The following LRRC3B variants were observed in gnomAD, a reference collection of about 807,000 sequenced individuals.
The protein encoded by LRRC3B is leucine-rich repeat-containing protein 3B.
LRRC3B carries 2 observed loss-of-function variants against 12.8 expected under a neutral mutation model. That is an observed-to-expected ratio of 0.16 (90% CI 0.06 to 0.49). LRRC3B has a LOEUF of 0.49. LRRC3B is among the 20% of genes least tolerant of loss of function. The pLI, the probability that LRRC3B is intolerant of heterozygous loss-of-function variation, is 0.96. For synonymous variants in LRRC3B, 132 were observed against 122.0 expected (o/e 1.08, Z -0.54); for missense variants, 189 against 319.4 (o/e 0.59, Z 3.11).
intron 1 of LRRC3B, among the ~76,000 whole-genome samples, chr3:26,655,067 ATCTG>A (rs556337920): frequency 1.3e-4 from 20 of 152,146 alleles, no homozygotes; most frequent in Non-Finnish European, 2.4e-4. Flanking sequence ...TCATCTGTCT[ATCTG>A]TCTGTCTGTC....
intron 1 of LRRC3B, among the ~76,000 whole-genome samples, chr3:26,652,814 T>G (rs1366867220): frequency 2.6e-5 from 4 of 152,184 alleles, no homozygotes; most frequent in Non-Finnish European, 5.9e-5. Flanking sequence ...ACAGCACTAA[T>G]GAAAGTAAAC....
chr3:26,649,388 G>T (rs1184777996), intron 1 of LRRC3B, among the ~76,000 whole-genome samples: 2 of 152,070 alleles, frequency 1.3e-5, no homozygotes, highest in Non-Finnish European at 2.9e-5. Context: ...TGTTTCTTTG[G>T]CTTATTTAGT....
chr3:26,652,238 C>T (rs116812411), intron 1 of LRRC3B, among the ~76,000 whole-genome samples: 4,843 of 152,276 alleles, frequency 0.032, 120 homozygotes, highest in South Asian at 0.049. Flanking sequence ...ATAACACCTG[C>T]ATGATCAACT....
At chr3:26,685,519 C>A (rs1303378243) in intron 1 of LRRC3B, among the ~76,000 whole-genome samples, 247 of 47,504 alleles carry the variant, frequency 5.2e-3, no homozygotes, top group Admixed American at 0.014. Flanking sequence ...CTCTCTCTCT[C>A]TCTCTATATA....
intron 1 of LRRC3B, among the ~76,000 whole-genome samples, chr3:26,632,838 A>G (rs1178160441): frequency 6.6e-6 from 1 of 151,812 alleles, no homozygotes. Context: ...TTTACCTGCC[A>G]TTTTCCTTGG....
chr3:26,703,602 G>A (rs1470137135), intron 1 of LRRC3B, among the ~76,000 whole-genome samples: 1 of 151,940 alleles, frequency 6.6e-6, no homozygotes, highest in African/African-American at 2.4e-5. Context: ...TTGGTCCTAA[G>A]TTGGAAGCAA....
rs558067723 is a variant in LRRC3B at position 26,652,447 on chromosome 3, C to T, written c.-161+29210C>T. 1.2e-3 allele frequency among the ~76,000 whole-genome samples: 184 copies of T among 152,200 alleles called. 1 individual carries two copies. The highest frequency in any genetic ancestry group is 2.1e-3 in the Non-Finnish European group (142 of 68,044). ...GGCGGAAGAAAGAAGCCAAAGGAAT[C>T]TCATAGAAGAGCTGGGTAACTAAAT... On this transcript the variant is annotated intron_variant, in intron 1 of 1. Coordinates refer to ENST00000396641, the Ensembl canonical transcript of LRRC3B.
intron 1 of LRRC3B, among the ~76,000 whole-genome samples, chr3:26,653,601 A>G (rs60283422): frequency 0.14 from 21,844 of 152,096 alleles, 1,671 homozygotes; most frequent in South Asian, 0.22. Context: ...TAAGCTGACA[A>G]TGTCCTTTAA....
chr3:26,639,658 T>TA (rs2125406803), intron 1 of LRRC3B, among the ~76,000 whole-genome samples: 1 of 152,300 alleles, frequency 6.6e-6, no homozygotes, highest in Non-Finnish European at 1.5e-5. Flanking sequence ...AGGACAGGTA[T>TA]AAACTATACG....
chr3:26,685,687 ATTTAC>A (rs1057421814), intron 1 of LRRC3B, among the ~76,000 whole-genome samples: 12 of 147,918 alleles, frequency 8.1e-5, no homozygotes, highest in South Asian at 2.1e-4. Flanking sequence ...CTATACCTTA[ATTTAC>A]TTAGGCAGTG....
At chr3:26,632,640 G>T (rs1698782864) in intron 1 of LRRC3B, among the ~76,000 whole-genome samples, 2 of 152,068 alleles carry the variant, frequency 1.3e-5, no homozygotes, top group South Asian at 4.2e-4. Flanking sequence ...CATCAAGTTT[G>T]TTTGACCTAA....
chr3:26,633,519 A>G (rs972722834), intron 1 of LRRC3B, among the ~76,000 whole-genome samples: 56 of 152,376 alleles, frequency 3.7e-4, no homozygotes, highest in African/African-American at 1.2e-3. Flanking sequence ...ACAGGTTTGT[A>G]AAACAAGCAT....
At chr3:26,683,232 TC>T (rs1700006762) in intron 1 of LRRC3B, among the ~76,000 whole-genome samples, 1 of 152,182 alleles carries the variant, frequency 6.6e-6, no homozygotes, top group Admixed American at 6.5e-5. Flanking sequence ...GCCAGAGGCA[TC>T]CTTTGTCCCA....
At chr3:26,679,004 T>C (rs1202659973) in intron 1 of LRRC3B, among the ~76,000 whole-genome samples, 1 of 152,222 alleles carries the variant, frequency 6.6e-6, no homozygotes, top group East Asian at 1.9e-4. Context: ...ATGTATTTGA[T>C]GAGAAAAGAT....
At chr3:26,625,863 G>A (rs1698613448) in intron 1 of LRRC3B, among the ~76,000 whole-genome samples, 1 of 152,204 alleles carries the variant, frequency 6.6e-6, no homozygotes, top group South Asian at 2.1e-4. Flanking sequence ...AATGGGTAGA[G>A]TTATTTATCT....
intron 1 of LRRC3B, among the ~76,000 whole-genome samples, chr3:26,659,929 C>T (rs1455855211): frequency 1.3e-5 from 2 of 152,160 alleles, no homozygotes; most frequent in Non-Finnish European, 2.9e-5. Flanking sequence ...AGTAATTTCA[C>T]CATAGAATTG....
intron 1 of LRRC3B, among the ~76,000 whole-genome samples, chr3:26,636,998 C>CTCTT (rs1260034376): frequency 1.6e-5 from 2 of 128,064 alleles, no homozygotes; most frequent in African/African-American, 6.1e-5. Context: ...CTCTCTTTCT[C>CTCTT]TCTTTCTTTC....
Position 26,634,585 on chromosome 3 carries a change from T to A in LRRC3B, c.-161+11348T>A, listed in dbSNP as rs548291297. On this transcript the variant is annotated intron_variant, in intron 1 of 1. Coordinates refer to ENST00000396641, the Ensembl canonical transcript of LRRC3B. ...AGGTTCAATTCACCTCGACATGGTG[T>A]GTGTTGGCTGTTCCCTTGAGATGGG... 1.4e-4 allele frequency among the ~76,000 whole-genome samples: 22 copies of A among 152,304 alleles called. No homozygotes were observed. In the East Asian group the frequency reaches 3.5e-3, roughly 24 times the overall value.
intron 1 of LRRC3B, among the ~76,000 whole-genome samples, chr3:26,648,840 A>G (rs1296973832): frequency 6.6e-6 from 1 of 152,238 alleles, no homozygotes; most frequent in Non-Finnish European, 1.5e-5. Flanking sequence ...CTCTGCCTTA[A>G]CATCAGCAAA....
Sources: allele counts gnomAD v4.1 joint callset (sites outside exome capture counted in the v4.1 genomes callset), GRCh38; gene constraint gnomAD v4.1.1; transcripts MANE v1.5; gene names NCBI Gene and HGNC (gene_info 2026-07-23, HGNC 2026-07-21).